CSNK1G1: variants seen among roughly 807,000 people sequenced by gnomAD.
The protein encoded by CSNK1G1 is casein kinase I isoform gamma-1.
CSNK1G1 carries 22 observed loss-of-function variants against 59.6 expected under a neutral mutation model. That is an observed-to-expected ratio of 0.37 (90% confidence interval 0.26 to 0.53). CSNK1G1 has a LOEUF of 0.53. Among genes scored for constraint, CSNK1G1 ranks in the 20% least tolerant of loss-of-function variants. The pLI is 0.89. For missense variants in CSNK1G1, 384 were observed against 519.5 expected, an observed-to-expected ratio of 0.74 and a Z score of 2.54; for synonymous variants, 179 against 177.1, an observed-to-expected ratio of 1.01 and a Z score of -0.08.
intron 8 of CSNK1G1, 29 bp downstream of exon 8, chr15:64,204,836 C>A: frequency 1.4e-6 from 2 of 1,467,534 alleles, no homozygotes; most frequent in South Asian, 2.3e-5. Flanking sequence ...AAAGCTCAGT[C>A]ACACTGGAAT....
At chr15:64,311,822 G>C (rs990941061) in intron 1 of CSNK1G1, among the ~76,000 whole-genome samples, 3 of 152,106 alleles carry the variant, frequency 2.0e-5, no homozygotes, top group African/African-American at 7.2e-5. Context: ...GGTGCTTGCA[G>C]TGAGCTGACA....
At chr15:64,354,803 G>A (rs781653171) in intron 1 of CSNK1G1, among the ~76,000 whole-genome samples, 13 of 152,168 alleles carry the variant, frequency 8.5e-5, no homozygotes, top group Non-Finnish European at 1.5e-4. Context: ...AAAAGCTCTG[G>A]TAGGTTCCAT....
chr15:64,326,412 G>A (rs975769906), intron 1 of CSNK1G1, among the ~76,000 whole-genome samples: 1 of 152,124 alleles, frequency 6.6e-6, no homozygotes, highest in African/African-American at 2.4e-5. Flanking sequence ...GAGAGGCCGA[G>A]GTGCGCAGAT....
intron 1 of CSNK1G1, among the ~76,000 whole-genome samples, chr15:64,345,708 C>A (rs1897918547): frequency 1.3e-5 from 2 of 152,124 alleles, no homozygotes; most frequent in Non-Finnish European, 2.9e-5. Context: ...TTAGGAAACT[C>A]TCATTTAAAA....
chr15:64,236,679 C>T (rs2082620999), intron 4 of CSNK1G1, among the ~76,000 whole-genome samples: 1 of 152,156 alleles, frequency 6.6e-6, no homozygotes, highest in Admixed American at 6.5e-5. Context: ...AACTCTTTTA[C>T]ACTGTTGGTG....
chr15:64,275,724 A>G (rs1009570356), intron 2 of CSNK1G1, among the ~76,000 whole-genome samples: 2 of 152,156 alleles, frequency 1.3e-5, no homozygotes, highest in African/African-American at 4.8e-5. Context: ...TATTGATTTT[A>G]AAGAATGTCT....
chr15:64,273,664 G>C (rs1893449136), intron 2 of CSNK1G1, among the ~76,000 whole-genome samples: 1 of 151,610 alleles, frequency 6.6e-6, no homozygotes, highest in African/African-American at 2.4e-5. Context: ...GCTTCTCTGG[G>C]CCACACTGGA....
At chr15:64,310,248 A>G (rs2140420226) in intron 1 of CSNK1G1, among the ~76,000 whole-genome samples, 1 of 152,252 alleles carries the variant, frequency 6.6e-6, no homozygotes, top group South Asian at 2.1e-4. Context: ...ACATAGGCAC[A>G]AAGTAGGTGA....
intron 4 of CSNK1G1, among the ~76,000 whole-genome samples, chr15:64,236,893 G>A (rs1596139339): frequency 6.6e-6 from 1 of 152,254 alleles, no homozygotes; most frequent in African/African-American, 2.4e-5. Flanking sequence ...TAACCTAAGT[G>A]TCCATCAATG....
At chr15:64,246,544 G>C (rs1295627036) in intron 4 of CSNK1G1, among the ~76,000 whole-genome samples, 1 of 144,132 alleles carries the variant, frequency 6.9e-6, no homozygotes, top group Non-Finnish European at 1.5e-5. Flanking sequence ...GATGACTAGA[G>C]CCAAAGAATT....
intron 2 of CSNK1G1, among the ~76,000 whole-genome samples, chr15:64,294,079 G>C (rs2140390777): frequency 6.6e-6 from 1 of 152,120 alleles, no homozygotes; most frequent in South Asian, 2.1e-4. Context: ...ATAAAAAGAG[G>C]CTTCTTTTTT....
intron 2 of CSNK1G1, among the ~76,000 whole-genome samples, chr15:64,284,285 G>A (rs939369759): frequency 2.0e-5 from 3 of 152,108 alleles, no homozygotes; most frequent in Admixed American, 2.0e-4. Flanking sequence ...TTTCAAGATT[G>A]TTTTGGCTCT....
rs1239169491 is a variant in CSNK1G1 at position 64,188,593 on chromosome 15, G to A, written c.1108-8139C>T. Reference sequence around the variant, plus strand: ...TCGTGTCCCTGTAGGTTTTTCTTTCGGTTTTGGATTTTAAACTAACAACCA... The same window carrying A: ...TCGTGTCCCTGTAGGTTTTTCTTTCAGTTTTGGATTTTAAACTAACAACCA... On this transcript the variant is annotated intron_variant, in intron 10 of 11. Transcript: ENST00000303052. This position sits in a 1 kb window ranked among gnomAD's most constrained non-coding sequence, Gnocchi z 4.2. 10 of 813,568 alleles carry A rather than the reference G, an allele frequency of 1.2e-5. No individual in the cohort carries two copies. The highest frequency in any genetic ancestry group is 1.7e-5 in the Non-Finnish European group (9 of 519,284). 50.4% of individuals were successfully genotyped at this position (813,568 alleles called of 1,614,324 possible). A position where few individuals can be genotyped will look rare whatever the true frequency, so the allele number is the denominator to read the frequency against.
chr15:64,221,998 T>C (rs2082394466), intron 4 of CSNK1G1, among the ~76,000 whole-genome samples: 1 of 152,008 alleles, frequency 6.6e-6, no homozygotes, highest in Non-Finnish European at 1.5e-5. Flanking sequence ...GCAGCACTAT[T>C]TACAATAGCA....
intron 1 of CSNK1G1, among the ~76,000 whole-genome samples, chr15:64,335,210 A>T (rs1371034341): frequency 6.6e-6 from 1 of 152,130 alleles, no homozygotes; most frequent in Non-Finnish European, 1.5e-5. Context: ...CTCACTAAAA[A>T]TTTTTTTAAG....
chr15:64,229,293 A>C (rs909437643), intron 4 of CSNK1G1, among the ~76,000 whole-genome samples: 4 of 152,126 alleles, frequency 2.6e-5, no homozygotes, highest in African/African-American at 9.7e-5. Context: ...CCTTATTCTT[A>C]CAGTGGAAAG....
At chr15:64,349,006 G>A (rs371843283) in intron 1 of CSNK1G1, among the ~76,000 whole-genome samples, 27 of 151,676 alleles carry the variant, frequency 1.8e-4, no homozygotes, top group African/African-American at 5.3e-4. Flanking sequence ...GGTAGGTAGC[G>A]GGCACCTGTA....
chr15:64,187,864 T>G (rs2081918888), intron 10 of CSNK1G1, among the ~76,000 whole-genome samples: 1 of 152,224 alleles, frequency 6.6e-6, no homozygotes, highest in South Asian at 2.1e-4. Flanking sequence ...AATAATTTTC[T>G]TAAGATCACA....
chr15:64,208,824 T>C (rs2082214958), intron 6 of CSNK1G1, among the ~76,000 whole-genome samples: 3 of 152,142 alleles, frequency 2.0e-5, no homozygotes, highest in African/African-American at 7.2e-5. Flanking sequence ...ATGTGAGCCA[T>C]TGCACCCAGT....
Sources: allele counts gnomAD v4.1 joint callset (sites outside exome capture counted in the v4.1 genomes callset), GRCh38; gene constraint gnomAD v4.1.1; non-coding constraint Gnocchi (gnomAD v3.1); transcripts MANE v1.5; gene names NCBI Gene and HGNC (gene_info 2026-07-23, HGNC 2026-07-21).